The following RASAL2 variants were observed in gnomAD, a reference collection of about 807,000 sequenced individuals.
The protein encoded by RASAL2 is ras GTPase-activating protein nGAP.
A neutral mutation model predicts 128.9 loss-of-function variants in RASAL2; 58 were observed. That is an observed-to-expected ratio of 0.45 (90% confidence interval 0.36 to 0.56). RASAL2 has a LOEUF of 0.56. RASAL2 is among the 20% of genes least tolerant of loss of function. RASAL2 has a pLI of 0.00. For synonymous variants in RASAL2, 561 were observed against 580.8 expected (o/e 0.97, Z 0.49); for missense variants, 1,360 against 1,601.6 (o/e 0.85, Z 2.57).
intron 6 of RASAL2, 21 bp from the exon 7 acceptor site, chr1:178,441,528 T>C (rs373789803): frequency 4.4e-6 from 7 of 1,580,970 alleles, no homozygotes; most frequent in Non-Finnish European, 6.1e-6. Flanking sequence ...CTTTTTCTTA[T>C]GTCTAATTTT....
At chr1:178,360,466 C>T (rs1484631842) in intron 3 of RASAL2, among the ~76,000 whole-genome samples, 1 of 152,202 alleles carries the variant, frequency 6.6e-6, no homozygotes, top group Admixed American at 6.5e-5. Flanking sequence ...CCATAGGAAG[C>T]TTCCCTACTG....
At chr1:178,099,694 CTCACGCCTGTAA>C (rs1310646514) in intron 1 of RASAL2, among the ~76,000 whole-genome samples, 4 of 152,224 alleles carry the variant, frequency 2.6e-5, no homozygotes, top group African/African-American at 9.6e-5. Flanking sequence ...GGCGTGGTGG[CTCACGCCTGTAA>C]TCCCAGCACT....
intron 1 of RASAL2, among the ~76,000 whole-genome samples, chr1:178,190,031 G>A (rs1558104828): frequency 6.8e-6 from 1 of 147,418 alleles, no homozygotes; most frequent in Non-Finnish European, 1.5e-5. Context: ...GTGGGTGGAT[G>A]CCAGGGATGC....
chr1:178,370,364 G>T (rs928258166), intron 3 of RASAL2, among the ~76,000 whole-genome samples: 1 of 152,180 alleles, frequency 6.6e-6, no homozygotes, highest in Non-Finnish European at 1.5e-5. Flanking sequence ...GGATACTGGT[G>T]TGTCATGAAG....
intron 1 of RASAL2, among the ~76,000 whole-genome samples, chr1:178,185,562 C>T (rs1362578045): frequency 6.6e-6 from 1 of 151,018 alleles, no homozygotes; most frequent in Non-Finnish European, 1.5e-5. Context: ...TAGATGAACT[C>T]ATGTCATGGG....
chr1:178,112,511 C>G (rs902855011), intron 1 of RASAL2, among the ~76,000 whole-genome samples: 3 of 151,760 alleles, frequency 2.0e-5, no homozygotes, highest in Non-Finnish European at 4.4e-5. Flanking sequence ...GATCGCGACA[C>G]TGCACTCCCG....
At chr1:178,296,801 T>C (rs1218891136) in intron 2 of RASAL2, among the ~76,000 whole-genome samples, 2 of 151,728 alleles carry the variant, frequency 1.3e-5, no homozygotes, top group Admixed American at 6.6e-5. Flanking sequence ...GCCTCCCAAG[T>C]AGCTGGAATT....
intron 9 of RASAL2, among the ~76,000 whole-genome samples, chr1:178,446,209 T>A (rs1676986664): frequency 6.6e-6 from 1 of 152,200 alleles, no homozygotes; most frequent in Non-Finnish European, 1.5e-5. Flanking sequence ...AATTGAGGCA[T>A]TAACCGCTAG....
intron 12 of RASAL2, 65 bp downstream of exon 12, chr1:178,454,713 G>A: frequency 1.4e-6 from 2 of 1,382,378 alleles, no homozygotes; most frequent in Non-Finnish European, 2.0e-6. Flanking sequence ...TAACTATAGA[G>A]TGATAGCACT....
chr1:178,127,788 C>T (rs1393214834), intron 1 of RASAL2, among the ~76,000 whole-genome samples: 1 of 151,964 alleles, frequency 6.6e-6, no homozygotes, highest in Non-Finnish European at 1.5e-5. Context: ...CCCCTCAATC[C>T]CTGATCAGGA....
At chr1:178,141,152 G>A (rs940656888) in intron 1 of RASAL2, among the ~76,000 whole-genome samples, 3 of 150,932 alleles carry the variant, frequency 2.0e-5, no homozygotes, top group Non-Finnish European at 4.4e-5. Flanking sequence ...CCTCTGACCA[G>A]GCCCCATCTC....
intron 1 of RASAL2, among the ~76,000 whole-genome samples, chr1:178,215,747 T>A (rs937076614): frequency 6.6e-6 from 1 of 152,200 alleles, no homozygotes; most frequent in South Asian, 2.1e-4. Context: ...CTTTGACAAT[T>A]TAGGGGTAAT....
At chr1:178,386,467 T>C (rs1188686818) in intron 3 of RASAL2, among the ~76,000 whole-genome samples, 1 of 152,228 alleles carries the variant, frequency 6.6e-6, no homozygotes, top group Non-Finnish European at 1.5e-5. Context: ...GTTCTCTTTG[T>C]TCAATACATC....
chr1:178,451,508 C>A, intron 9 of RASAL2, 63 bp from the exon 10 acceptor site: 2 of 1,496,192 alleles, frequency 1.3e-6, no homozygotes, highest in South Asian at 1.3e-5. Flanking sequence ...AATCATAAGT[C>A]CTTTTATTCT....
chr1:178,299,931 A>G (rs955251720), intron 2 of RASAL2, 61 bp from the exon 3 acceptor site: 42 of 1,553,782 alleles, frequency 2.7e-5, no homozygotes, highest in African/African-American at 1.2e-4. Flanking sequence ...CCATTATTCA[A>G]TCAGAACGTA....
At chr1:178,398,504 A>C (rs1391788817) in intron 4 of RASAL2, among the ~76,000 whole-genome samples, 1 of 152,160 alleles carries the variant, frequency 6.6e-6, no homozygotes, top group African/African-American at 2.4e-5. Flanking sequence ...CTGAGATTTC[A>C]TATTAGAGGA....
At chr1:178,149,694 AAT>A (rs1215029270) in intron 1 of RASAL2, among the ~76,000 whole-genome samples, 9 of 152,112 alleles carry the variant, frequency 5.9e-5, no homozygotes, top group Non-Finnish European at 5.9e-5. Context: ...ATTCTGTTTA[AAT>A]ATGTTTCCTA....
chr1:178,193,299 T>G (rs1299837779), intron 1 of RASAL2, among the ~76,000 whole-genome samples: 1 of 152,200 alleles, frequency 6.6e-6, no homozygotes, highest in African/African-American at 2.4e-5. Context: ...CAAGTCAGGT[T>G]ATTGAATGTT....
chr1:178,116,052 G>A (rs777194120), intron 1 of RASAL2, among the ~76,000 whole-genome samples: 15 of 152,052 alleles, frequency 9.9e-5, no homozygotes, highest in South Asian at 2.1e-4. Flanking sequence ...ATTTTATTTA[G>A]GGATGTTTTA....
Sources: allele counts gnomAD v4.1 joint callset (sites outside exome capture counted in the v4.1 genomes callset), GRCh38; gene constraint gnomAD v4.1.1; transcripts MANE v1.5; gene names NCBI Gene and HGNC (gene_info 2026-07-23, HGNC 2026-07-21).